DIS3L2: variants seen among roughly 807,000 people sequenced by gnomAD.
The protein encoded by DIS3L2 is DIS3 like 3'-5' exoribonuclease 2, also known as DIS3-like exonuclease 2.
Under a neutral mutation model 97.5 loss-of-function variants are expected in DIS3L2, and 34 were observed. The ratio of observed to expected loss-of-function variants is 0.35; its 90% CI spans 0.27 to 0.46. The LOEUF is 0.46. Ranked by LOEUF, DIS3L2 falls within the 20% of genes least tolerant of loss-of-function variation. DIS3L2 has a pLI of 1.00. For missense variants in DIS3L2, 1,038 were observed against 1,146.0 expected, an observed-to-expected ratio of 0.91 and a Z score of 1.36; for synonymous variants, 435 against 445.2, an observed-to-expected ratio of 0.98 and a Z score of 0.29.
chr2:232,024,251 C>T, intron 3 of DIS3L2, 26 bp from the exon 4 acceptor site: 1 of 1,540,234 alleles, frequency 6.5e-7, no homozygotes, highest in Non-Finnish European at 8.8e-7. Context: ...GCTAGATTTT[C>T]ACAAACTTTA....
intron 13 of DIS3L2, among the ~76,000 whole-genome samples, chr2:232,289,037 A>G (rs1694525838): frequency 6.6e-6 from 1 of 152,138 alleles, no homozygotes; most frequent in Non-Finnish European, 1.5e-5. Context: ...TGATTTCAAT[A>G]TCACAGATGC....
At chr2:232,227,039 T>A (rs552691514) in intron 10 of DIS3L2, among the ~76,000 whole-genome samples, 1 of 152,086 alleles carries the variant, frequency 6.6e-6, no homozygotes, top group Non-Finnish European at 1.5e-5. Context: ...CTAACTGATA[T>A]ATGGACAGCT....
chr2:232,187,741 G>A (rs1198901927), intron 9 of DIS3L2, among the ~76,000 whole-genome samples: 1 of 152,230 alleles, frequency 6.6e-6, no homozygotes, highest in East Asian at 1.9e-4. Flanking sequence ...GTGCCTGAAT[G>A]TTTATATCAG....
intron 5 of DIS3L2, among the ~76,000 whole-genome samples, chr2:232,064,938 T>C (rs1695812447): frequency 2.0e-5 from 3 of 152,160 alleles, no homozygotes; most frequent in Non-Finnish European, 4.4e-5. Flanking sequence ...AGTCCTTTGC[T>C]ACACAAATTT....
At chr2:232,305,712 T>C (rs1239493586) in intron 14 of DIS3L2, among the ~76,000 whole-genome samples, 2 of 152,142 alleles carry the variant, frequency 1.3e-5, no homozygotes, top group Non-Finnish European at 2.9e-5. Flanking sequence ...CCCAGCACTT[T>C]GGGAGGCCGA....
At chr2:232,156,472 C>CT (rs1574913900) in intron 8 of DIS3L2, among the ~76,000 whole-genome samples, 2 of 149,214 alleles carry the variant, frequency 1.3e-5, no homozygotes, top group East Asian at 2.0e-4. Context: ...TTTCTTGCTC[C>CT]TTTTTTTCCT....
At chr2:232,227,453 T>G (rs185487377) in intron 10 of DIS3L2, among the ~76,000 whole-genome samples, 2 of 152,306 alleles carry the variant, frequency 1.3e-5, no homozygotes, top group Non-Finnish European at 2.9e-5. Context: ...ATTAATATAA[T>G]GAAGTGCTTT....
At position 232,333,764 on chromosome 2, in the gene DIS3L2, T is replaced by TAACTA; in HGVS notation, c.2011-76_2011-75insAACTA. On this transcript the variant is annotated intron_variant, in intron 16 of 20. Transcript: ENST00000325385. ...CACACATCGCTGCCGACGGTGAGGC[T>TAACTA]GTGGGTGGTGCCAGCCTTCCAGGCC... 9 of 1,444,508 alleles carry TAACTA rather than the reference T, an allele frequency of 6.2e-6. No individual in the cohort carries two copies. In the South Asian group the frequency reaches 7.7e-5, roughly 12 times the overall value. 89.5% of individuals were successfully genotyped at this position (1,444,508 alleles called of 1,614,324 possible).
At chr2:232,087,958 A>G (rs1203490844) in intron 6 of DIS3L2, 2 of 484,276 alleles carry the variant, frequency 4.1e-6, no homozygotes, top group Non-Finnish European at 7.5e-6. Flanking sequence ...CATTCCTAAT[A>G]GGCTTGAGCT....
chr2:232,224,992 A>G (rs2106236885), intron 10 of DIS3L2, among the ~76,000 whole-genome samples: 1 of 152,348 alleles, frequency 6.6e-6, no homozygotes, highest in Non-Finnish European at 1.5e-5. Context: ...CCAATGGTCA[A>G]ACACATGAAA....
chr2:232,017,411 CT>C (rs908161020), intron 3 of DIS3L2, among the ~76,000 whole-genome samples: 5 of 151,936 alleles, frequency 3.3e-5, no homozygotes, highest in African/African-American at 1.2e-4. Context: ...ATTGGTGTTT[CT>C]TTTTTTTAAA....
In DIS3L2 at chr2:232,310,387, T is replaced by C. The variant is rs184220571; in HGVS notation, c.1739+10268T>C. Among the ~76,000 whole-genome samples, 1,295 of 152,266 alleles carry C rather than the reference T, an allele frequency of 8.5e-3. 23 individuals are homozygous for C. Among genetic ancestry groups the C allele is most frequent in the Admixed American group, 0.049 (748 of 15,308 alleles). On this transcript the variant is annotated intron_variant, in intron 14 of 20. Transcript: ENST00000325385. ...TGAGCTCACTGTTCCACCACAGCCG[T>C]TAGTGTTTGGCATCAGCATGATGCA...
intron 5 of DIS3L2, among the ~76,000 whole-genome samples, chr2:232,049,138 A>G (rs1157197253): frequency 1.3e-5 from 2 of 152,198 alleles, no homozygotes; most frequent in Non-Finnish European, 2.9e-5. Context: ...GATGTTATAT[A>G]TTTTAAATAA....
At chr2:231,971,203 G>T (rs1356875628) in intron 1 of DIS3L2, among the ~76,000 whole-genome samples, 1 of 151,842 alleles carries the variant, frequency 6.6e-6, no homozygotes, top group Non-Finnish European at 1.5e-5. Context: ...AGGTTTGGAG[G>T]TGCGTGTACA....
chr2:232,214,769 T>C (rs1395556399), intron 10 of DIS3L2, among the ~76,000 whole-genome samples: 1 of 152,228 alleles, frequency 6.6e-6, no homozygotes, highest in Non-Finnish European at 1.5e-5. Context: ...GGCTTTGCCT[T>C]AGTCTCTGAG....
intron 1 of DIS3L2, among the ~76,000 whole-genome samples, chr2:231,994,853 C>T (rs1693687934): frequency 6.8e-6 from 1 of 146,848 alleles, no homozygotes; most frequent in Non-Finnish European, 1.5e-5. Context: ...CACTCTGTCA[C>T]CCAGGCTGGA....
Position 232,011,633 on chromosome 2 carries a change from G to A in DIS3L2, c.-93-3202G>A, listed in dbSNP as rs1242024985. 5.3e-5 allele frequency among the ~76,000 whole-genome samples: 8 copies of A among 151,782 alleles called. No individual in the cohort carries two copies. In the East Asian group the frequency reaches 1.4e-3, roughly 26 times the overall value. ...CTCCCAAAGTGCTGGGATTACAGGC[G>A]TGAGCCACTGTGCCTGCCTGTTTGT... On this transcript the variant is annotated intron_variant, in intron 1 of 20. Transcript: ENST00000325385.
chr2:232,046,581 G>C (rs1695250069), intron 5 of DIS3L2, among the ~76,000 whole-genome samples: 1 of 152,134 alleles, frequency 6.6e-6, no homozygotes, highest in African/African-American at 2.4e-5. Flanking sequence ...GGCTTCAGAG[G>C]TTTCAAGTAA....
rs952154220 is a variant in DIS3L2 at position 232,235,170 on chromosome 2, T to C, written c.1205-3363T>C. ...CCCGGGGGATCCTTCCTCTCTCTGC[T>C]CTAAATGCTCTTTAAACACACAGGC... On this transcript the variant is annotated intron_variant, in intron 10 of 20. Coordinates refer to ENST00000325385, the MANE Select transcript of DIS3L2 (RefSeq NM_152383.5). Among the ~76,000 whole-genome samples, 10 of 152,326 alleles carry C rather than the reference T, an allele frequency of 6.6e-5. No individual in the cohort carries two copies. The South Asian group carries it at 1.5e-3, about 22-fold the overall frequency.
Sources: allele counts gnomAD v4.1 joint callset (sites outside exome capture counted in the v4.1 genomes callset), GRCh38; gene constraint gnomAD v4.1.1; transcripts MANE v1.5; gene names NCBI Gene and HGNC (gene_info 2026-07-23, HGNC 2026-07-21).